Variants in XYLT1 observed in about 807,000 individuals in gnomAD.
XYLT1 encodes xylosyltransferase 1.
XYLT1 carries 36 observed loss-of-function variants against 91.3 expected under a neutral mutation model. The observed-to-expected ratio is 0.39, with a 90% CI of 0.30 to 0.52. The LOEUF (loss-of-function observed/expected upper bound fraction) is 0.52. XYLT1 is among the 20% of genes least tolerant of loss of function. The pLI, the probability that XYLT1 is intolerant of heterozygous loss-of-function variation, is 0.68. For synonymous variants in XYLT1, 588 were observed against 532.0 expected (o/e 1.11, Z -1.45); for missense variants, 1,242 against 1,284.5 (o/e 0.97, Z 0.51).
At chr16:17,290,853 G>T (rs2034212367) in intron 2 of XYLT1, among the ~76,000 whole-genome samples, 2 of 152,184 alleles carry the variant, frequency 1.3e-5, no homozygotes, top group South Asian at 4.1e-4. Context: ...GATAGAGGTG[G>T]TTACAATGTC....
chr16:17,309,728 C>T (rs1229898268), intron 2 of XYLT1, among the ~76,000 whole-genome samples: 2 of 152,228 alleles, frequency 1.3e-5, no homozygotes, highest in African/African-American at 4.8e-5. Flanking sequence ...TTTGGAAGCA[C>T]TTCTTGTCCC....
chr16:17,338,728 G>A (rs1021904429), intron 2 of XYLT1, among the ~76,000 whole-genome samples: 14 of 152,122 alleles, frequency 9.2e-5, no homozygotes, highest in African/African-American at 3.1e-4. Flanking sequence ...GGGACTACAG[G>A]TGCCCACCAC....
At chr16:17,332,558 T>TCACACACATACACATA in intron 2 of XYLT1, among the ~76,000 whole-genome samples, 1 of 126,730 alleles carries the variant, frequency 7.9e-6, no homozygotes, top group African/African-American at 3.1e-5. Flanking sequence ...CCAGAGTCCA[T>TCACACACATACACATA]CACACACATA....
intron 3 of XYLT1, among the ~76,000 whole-genome samples, chr16:17,239,074 C>A (rs1426567685): frequency 6.6e-6 from 1 of 152,210 alleles, no homozygotes; most frequent in East Asian, 1.9e-4. Context: ...GCCAAATTTG[C>A]CTCCTGAATT....
chr16:17,200,770 A>G, intron 3 of XYLT1, 116 bp from the exon 4 acceptor site: 1 of 1,157,236 alleles, frequency 8.6e-7, no homozygotes, highest in South Asian at 1.5e-5. Flanking sequence ...CAGTCATCAA[A>G]TTGGGCCTTA....
chr16:17,185,224 C>T (rs949710553), intron 5 of XYLT1, among the ~76,000 whole-genome samples: 11 of 152,222 alleles, frequency 7.2e-5, no homozygotes, highest in Admixed American at 2.6e-4. Context: ...GGAGTGTGTG[C>T]TCCATCAGCC....
At position 17,292,081 on chromosome 16, in the gene XYLT1, T is replaced by TACACACACACACACACAC. The variant is rs10568382; in HGVS notation, c.403-32601_403-32584dup. Among the ~76,000 whole-genome samples the TACACACACACACACACAC allele has an allele frequency of 9.5e-3, 1,417 of 149,058 alleles. 25 individuals carry two copies. The highest frequency in any genetic ancestry group is 0.033 in the African/African-American group (1,348 of 40,642). ...GGGCATGGTGGTGCCCACTAAACCA[T>TACACACACACACACACAC]ACACACACACACACACACACACACA... is the stretch of plus-strand genomic sequence containing the variant. On this transcript the variant is annotated intron_variant, in intron 2 of 11. Coordinates refer to ENST00000261381, the MANE Select transcript of XYLT1 (RefSeq NM_022166.4).
chr16:17,166,125 A>C (rs1439912842), intron 5 of XYLT1, among the ~76,000 whole-genome samples: 1 of 152,236 alleles, frequency 6.6e-6, no homozygotes, highest in Non-Finnish European at 1.5e-5. Context: ...ACCAACCACC[A>C]GCGGACCCTG....
chr16:17,469,731 G>A (rs927613990), intron 1 of XYLT1, among the ~76,000 whole-genome samples: 2 of 152,232 alleles, frequency 1.3e-5, no homozygotes, highest in African/African-American at 4.8e-5. Flanking sequence ...GAAAGACAGA[G>A]ACAACCAGCT....
At chr16:17,176,832 T>C (rs1367388024) in intron 5 of XYLT1, among the ~76,000 whole-genome samples, 1 of 122,886 alleles carries the variant, frequency 8.1e-6, no homozygotes, top group Non-Finnish European at 1.7e-5. Flanking sequence ...TACAGTCCTC[T>C]ACTTTTTTTT....
intron 11 of XYLT1, among the ~76,000 whole-genome samples, chr16:17,115,223 C>T (rs1402526840): frequency 7.0e-6 from 1 of 143,448 alleles, no homozygotes; most frequent in Non-Finnish European, 1.5e-5. Context: ...AATCCCAGCT[C>T]TTTGGGTGGC....
At chr16:17,266,511 A>G (rs2033807045) in intron 2 of XYLT1, among the ~76,000 whole-genome samples, 1 of 152,184 alleles carries the variant, frequency 6.6e-6, no homozygotes, top group African/African-American at 2.4e-5. Flanking sequence ...AAGTCCACAC[A>G]CCTAGGAAAC....
At chr16:17,354,737 G>T (rs2035270840) in intron 2 of XYLT1, 1 of 152,162 alleles carries the variant, frequency 6.6e-6, no homozygotes, top group Non-Finnish European at 1.5e-5. Context: ...GGCCACATCT[G>T]CCATCTTGTT....
chr16:17,437,100 G>A (rs375579762), intron 1 of XYLT1, among the ~76,000 whole-genome samples: 14 of 152,164 alleles, frequency 9.2e-5, no homozygotes, highest in South Asian at 2.1e-4. Flanking sequence ...TTACAGATCC[G>A]AAAACTGAGT....
intron 1 of XYLT1, among the ~76,000 whole-genome samples, chr16:17,360,742 G>C (rs73525120): frequency 0.03 from 4,569 of 152,324 alleles, 239 homozygotes; most frequent in African/African-American, 0.1. Context: ...AGTGGAACCA[G>C]GTCAATGATG....
At chr16:17,222,805 A>G (rs1420584349) in intron 3 of XYLT1, among the ~76,000 whole-genome samples, 3 of 151,400 alleles carry the variant, frequency 2.0e-5, no homozygotes, top group Non-Finnish European at 2.9e-5. Context: ...AAAAAAAAAA[A>G]AAAAAAGAAT....
intron 3 of XYLT1, among the ~76,000 whole-genome samples, chr16:17,219,280 CAAAAAAAAA>C (rs369055155): frequency 7.1e-5 from 6 of 85,034 alleles, no homozygotes; most frequent in East Asian, 3.2e-4. Flanking sequence ...GACTTTGTCT[CAAAAAAAAA>C]AAAAAAAAAA....
At chr16:17,111,016 C>T (rs894736957) in intron 11 of XYLT1, among the ~76,000 whole-genome samples, 13 of 152,024 alleles carry the variant, frequency 8.6e-5, no homozygotes, top group East Asian at 3.9e-4. Context: ...AAAAATAAGC[C>T]GGGCGTGATG....
chr16:17,305,898 G>C (rs2034464157), intron 2 of XYLT1, among the ~76,000 whole-genome samples: 1 of 152,098 alleles, frequency 6.6e-6, no homozygotes, highest in African/African-American at 2.4e-5. Flanking sequence ...GAGTCCCTGT[G>C]GGGGCAGTCA....
Sources: gnomAD v4.1 joint callset for allele counts (sites outside exome capture counted in the v4.1 genomes callset) on GRCh38, gnomAD v4.1.1 for gene constraint, MANE v1.5 for transcripts, NCBI Gene and HGNC (gene_info 2026-07-23, HGNC 2026-07-21) for gene names.